The following PHF14 variants were observed in gnomAD, a reference collection of about 807,000 sequenced individuals.
PHF14 encodes the protein PHD finger protein 14.
In PHF14, 55 loss-of-function variants were observed where a neutral mutation model predicts 117.9. That is an observed-to-expected ratio of 0.47 (90% confidence interval 0.38 to 0.58). The LOEUF (loss-of-function observed/expected upper bound fraction) is 0.58, where lower values mean the gene tolerates loss of function less well. Among genes scored for constraint, PHF14 ranks in the 20% least tolerant of loss-of-function variants. The pLI is 0.00. For synonymous variants in PHF14, 409 were observed against 368.6 expected, an observed-to-expected ratio of 1.11 and a Z score of -1.26; for missense variants, 978 against 1,122.2, an observed-to-expected ratio of 0.87 and a Z score of 1.84.
intron 14 of PHF14, among the ~76,000 whole-genome samples, chr7:11,059,168 A>G (rs779824517): frequency 4.6e-5 from 7 of 152,182 alleles, no homozygotes; most frequent in Non-Finnish European, 1.0e-4. Flanking sequence ...GCTAATTGCA[A>G]TCTGGTATGA....
chr7:11,023,031 A>G (rs1783787206), intron 6 of PHF14, 52 bp downstream of exon 6: 1 of 955,802 alleles, frequency 1.0e-6, no homozygotes, highest in Non-Finnish European at 1.6e-6. Context: ...TTTACTTGTT[A>G]GTTTACCTGG....
chr7:11,033,702 A>G (rs777326668), intron 7 of PHF14, among the ~76,000 whole-genome samples: 1 of 152,172 alleles, frequency 6.6e-6, no homozygotes, highest in African/African-American at 2.4e-5. Flanking sequence ...TAACTCACCT[A>G]TGCAAGCATG....
In PHF14 at chr7:11,057,522, G is replaced by A. The variant is rs374001912; in HGVS notation, c.2482-4269G>A. Among the ~76,000 whole-genome samples the A allele has an allele frequency of 7.2e-5, 11 of 152,138 alleles. No homozygotes were observed. In the East Asian group the frequency reaches 2.1e-3, roughly 29 times the overall value. ...CCTGGGTAGCTGGGATTACAGGTGT[G>A]CACCACCACGTCCGGCTGAGTTTTG... On this transcript the variant is annotated intron_variant, in intron 14 of 17. Coordinates refer to ENST00000634607, the MANE Select transcript of PHF14 (RefSeq NM_001007157.2).
At chr7:11,024,979 A>G (rs1783859332) in intron 6 of PHF14, among the ~76,000 whole-genome samples, 1 of 152,198 alleles carries the variant, frequency 6.6e-6, no homozygotes, top group South Asian at 2.1e-4. Flanking sequence ...CCTTCTAGAA[A>G]GGGGTCACTT....
At chr7:11,087,923 A>G (rs1426159205) in intron 16 of PHF14, among the ~76,000 whole-genome samples, 1 of 152,232 alleles carries the variant, frequency 6.6e-6, no homozygotes, top group Non-Finnish European at 1.5e-5. Flanking sequence ...TAACATAACA[A>G]TTAAAAGTTA....
intron 16 of PHF14, among the ~76,000 whole-genome samples, chr7:11,087,659 C>A (rs1307208987): frequency 6.6e-6 from 1 of 152,094 alleles, no homozygotes; most frequent in Non-Finnish European, 1.5e-5. Context: ...TGGATTATAA[C>A]CACAACTATA....
chr7:11,086,543 A>T (rs1786416643), intron 16 of PHF14, among the ~76,000 whole-genome samples: 1 of 152,158 alleles, frequency 6.6e-6, no homozygotes, highest in Non-Finnish European at 1.5e-5. Context: ...TATAAGCACC[A>T]TTTTTTAATA....
chr7:11,138,838 C>T (rs1017728336), intron 17 of PHF14, among the ~76,000 whole-genome samples: 1 of 152,126 alleles, frequency 6.6e-6, no homozygotes, highest in Non-Finnish European at 1.5e-5. Flanking sequence ...ATTTGCTTCA[C>T]TGTCGTTTGC....
chr7:11,078,866 TA>T (rs1307009427), intron 16 of PHF14, among the ~76,000 whole-genome samples: 6 of 152,270 alleles, frequency 3.9e-5, no homozygotes, highest in Admixed American at 3.3e-4. Flanking sequence ...TTCCTTTCTG[TA>T]AAACAAAGTA....
chr7:11,074,702 G>T (rs925408122), intron 16 of PHF14, among the ~76,000 whole-genome samples: 3 of 152,050 alleles, frequency 2.0e-5, no homozygotes, highest in Admixed American at 6.5e-5. Flanking sequence ...TCTTTGCTAG[G>T]GCATAATATG....
At chr7:11,112,629 G>C (rs1787483646) in intron 17 of PHF14, among the ~76,000 whole-genome samples, 1 of 152,088 alleles carries the variant, frequency 6.6e-6, no homozygotes, top group African/African-American at 2.4e-5. Context: ...AAATTAGCCA[G>C]ACATGGTGGC....
chr7:11,052,970 G>A (rs950003649), intron 14 of PHF14, among the ~76,000 whole-genome samples: 13 of 152,098 alleles, frequency 8.5e-5, no homozygotes, highest in African/African-American at 2.9e-4. Context: ...CATCAGGAGT[G>A]TAAATTTCAA....
At chr7:11,007,965 G>A (rs1168070580) in intron 4 of PHF14, among the ~76,000 whole-genome samples, 2 of 152,152 alleles carry the variant, frequency 1.3e-5, no homozygotes, top group Non-Finnish European at 2.9e-5. Context: ...GGGCTGCAGT[G>A]TGTCACTTAG....
At chr7:11,132,634 G>A (rs1307704043) in intron 17 of PHF14, among the ~76,000 whole-genome samples, 1 of 151,646 alleles carries the variant, frequency 6.6e-6, no homozygotes, top group African/African-American at 2.4e-5. Context: ...GGGTCATATG[G>A]TCTTTCTATT....
intron 10 of PHF14, 106 bp downstream of exon 10, chr7:11,037,197 A>G: frequency 9.8e-7 from 1 of 1,016,858 alleles, no homozygotes; most frequent in Non-Finnish European, 1.4e-6. Flanking sequence ...TTTCTTCTGG[A>G]GCTCTTTGGC....
In PHF14 at chr7:11,036,643, C is replaced by G; in HGVS notation, c.1828C>G (p.His610Asp). The G allele has an allele frequency of 6.2e-7, 1 of 1,613,840 alleles. No individual in the cohort carries two copies. The highest frequency in any genetic ancestry group is 8.5e-7 in the Non-Finnish European group (1 of 1,179,760). The change falls in exon 9 of 18, where the codon CAT (histidine) becomes GAT (aspartate). Residue 610 changes from histidine (H) to aspartate (D), a missense_variant. His to Asp is a moderately conservative substitution (Grantham distance 81). Coordinates refer to ENST00000634607, the MANE Select transcript of PHF14 (RefSeq NM_001007157.2). ...TTCTAGTGTGGATGGAAGGAGAAAA[C>G]ATAAGCAACCAGCTCTCACTGCAGA... The part of the protein sequence containing the change: ...TSSSVDGRRK[H>D]KQPALTADFV...
intron 16 of PHF14, among the ~76,000 whole-genome samples, chr7:11,075,312 A>G (rs951339573): frequency 2.6e-5 from 4 of 152,168 alleles, no homozygotes; most frequent in African/African-American, 9.7e-5. Flanking sequence ...GCCATAAAGA[A>G]GTACCAAAGG....
chr7:10,988,427 G>T (rs1782317202), intron 3 of PHF14, among the ~76,000 whole-genome samples: 1 of 151,890 alleles, frequency 6.6e-6, no homozygotes, highest in Admixed American at 6.6e-5. Context: ...CTTTTTTCCA[G>T]GGCTGAATAA....
At position 11,006,332 on chromosome 7, in the gene PHF14, ATTTCT is replaced by A. The variant is rs975571860; in HGVS notation, c.1046-7406_1046-7402del. 4.5e-5 allele frequency: 19 copies of A among 423,196 alleles called. No individual in the cohort carries two copies. The Admixed American group carries it at 4.8e-4, about 11-fold the overall frequency. 26.2% of individuals were successfully genotyped at this position (423,196 alleles called of 1,614,324 possible). A position where few individuals can be genotyped will look rare whatever the true frequency, so the allele number is the denominator to read the frequency against. On this transcript the variant is annotated intron_variant, in intron 4 of 17. Transcript: ENST00000634607. ...TTACTTGCCTGTCATTTTCTTAGTC[ATTTCT>A]TTTCTTTTTTTTTCTGGTGAAAACA...
Sources: gnomAD v4.1 joint callset for allele counts (sites outside exome capture counted in the v4.1 genomes callset) on GRCh38, gnomAD v4.1.1 for gene constraint, MANE v1.5 for transcripts, NCBI Gene and HGNC (gene_info 2026-07-23, HGNC 2026-07-21) for gene names.